The following RBFOX1 variants were observed in gnomAD, a reference collection of about 807,000 sequenced individuals.
RBFOX1 encodes RNA binding protein fox-1 homolog 1.
Under a neutral mutation model 57.7 loss-of-function variants are expected in RBFOX1, and 8 were observed. The ratio of observed to expected loss-of-function variants is 0.14; its 90% CI spans 0.08 to 0.25. The LOEUF (loss-of-function observed/expected upper bound fraction) is 0.25, where lower values mean the gene tolerates loss of function less well. RBFOX1 is among the 10% of genes least tolerant of loss of function. The probability of loss-of-function intolerance (pLI) is 1.00; values close to 1 mark genes in which losing one functional copy is unlikely to be tolerated. For missense variants in RBFOX1, 611 were observed against 548.5 expected (o/e 1.11, Z -1.14); for synonymous variants, 326 against 222.4 (o/e 1.47, Z -4.15).
At chr16:7,480,529 A>T (rs992107306) in intron 4 of RBFOX1, among the ~76,000 whole-genome samples, 11 of 152,226 alleles carry the variant, frequency 7.2e-5, no homozygotes, top group African/African-American at 2.7e-4. Flanking sequence ...AAAAAAATAC[A>T]TATATGGTAT....
chr16:7,034,848 C>CTTTTCTTTTCTTTTTT (rs1412479062), intron 3 of RBFOX1, among the ~76,000 whole-genome samples: 1 of 30,830 alleles, frequency 3.2e-5, no homozygotes, highest in Admixed American at 4.4e-4. Context: ...TTTCTTTTTT[C>CTTTTCTTTTCTTTTTT]TTTTTTTTTT....
chr16:5,492,066 C>T (rs2042852559), intron 2 of RBFOX1, among the ~76,000 whole-genome samples: 1 of 152,186 alleles, frequency 6.6e-6, no homozygotes, highest in South Asian at 2.1e-4. Flanking sequence ...GTTGGAACTG[C>T]ACACTCTCGG....
intron 4 of RBFOX1, among the ~76,000 whole-genome samples, chr16:7,209,680 T>C (rs2090730411): frequency 6.6e-6 from 1 of 152,186 alleles, no homozygotes; most frequent in Admixed American, 6.5e-5. Flanking sequence ...TTTTAATCCG[T>C]ATTTGGTTTG....
chr16:6,142,222 C>CT (rs2096722955), intron 1 of RBFOX1, among the ~76,000 whole-genome samples: 1 of 116,372 alleles, frequency 8.6e-6, no homozygotes. Flanking sequence ...AAAAATCCAA[C>CT]TCTTTTTTTT....
At chr16:7,089,634 C>A (rs377173326) in intron 4 of RBFOX1, among the ~76,000 whole-genome samples, 2 of 152,234 alleles carry the variant, frequency 1.3e-5, no homozygotes, top group African/African-American at 4.8e-5. Context: ...TTTGTTAGCT[C>A]TTACATATGT....
At chr16:7,451,088 T>C (rs540828242) in intron 4 of RBFOX1, among the ~76,000 whole-genome samples, 1 of 152,172 alleles carries the variant, frequency 6.6e-6, no homozygotes, top group East Asian at 1.9e-4. Flanking sequence ...GCATGCCAGG[T>C]AGGGCAGGCT....
intron 3 of RBFOX1, among the ~76,000 whole-genome samples, chr16:6,787,072 G>A (rs1455328041): frequency 6.6e-6 from 1 of 152,138 alleles, no homozygotes; most frequent in Non-Finnish European, 1.5e-5. Context: ...TACGTGAAAA[G>A]AAAGCATCCC....
At chr16:7,341,552 C>T (rs1201793438) in intron 4 of RBFOX1, among the ~76,000 whole-genome samples, 6 of 152,140 alleles carry the variant, frequency 3.9e-5, no homozygotes, top group Non-Finnish European at 5.9e-5. Flanking sequence ...ACCCCACTGA[C>T]CGACTCAGTA....
intron 2 of RBFOX1, among the ~76,000 whole-genome samples, chr16:5,523,128 G>A (rs2044086251): frequency 6.6e-6 from 1 of 152,110 alleles, no homozygotes; most frequent in South Asian, 2.1e-4. Flanking sequence ...TCTACTGAAA[G>A]TATAAAAATT....
At chr16:7,485,390 T>C (rs966036593) in intron 4 of RBFOX1, among the ~76,000 whole-genome samples, 1 of 152,242 alleles carries the variant, frequency 6.6e-6, no homozygotes, top group Non-Finnish European at 1.5e-5. Context: ...TACCTTGTAC[T>C]TTTATTTTCT....
intron 4 of RBFOX1, among the ~76,000 whole-genome samples, chr16:7,507,754 G>A (rs1235353325): frequency 6.6e-6 from 1 of 151,792 alleles, no homozygotes; most frequent in Admixed American, 6.6e-5. Context: ...TAGTAGAGAC[G>A]CGGTTTCACC....
chr16:6,887,594 C>T (rs952889245), intron 3 of RBFOX1, among the ~76,000 whole-genome samples: 16 of 151,820 alleles, frequency 1.1e-4, no homozygotes, highest in Non-Finnish European at 2.2e-4. Flanking sequence ...GCCATATCAC[C>T]ATAGAGGTCT....
In RBFOX1 at chr16:6,062,967, T is replaced by C. The variant is rs138677466; in HGVS notation, c.-127+42975T>C. The stretch of plus-strand genomic sequence containing the variant: ...CACAATTCCTTCTCCAGAAAACCCA[T>C]CTTTGCCCTGAAGAACTTCAATGGA... On this transcript the variant is annotated intron_variant, in intron 1 of 15. Transcript: ENST00000550418. 7.2e-5 allele frequency among the ~76,000 whole-genome samples: 11 copies of C among 152,246 alleles called. No homozygotes were observed. In the South Asian group the frequency reaches 1.5e-3, roughly 20 times the overall value.
intron 3 of RBFOX1, among the ~76,000 whole-genome samples, chr16:6,768,095 A>G (rs12051090): frequency 0.22 from 32,808 of 151,300 alleles, 5,935 homozygotes; most frequent in African/African-American, 0.48. Context: ...ATATGAATCC[A>G]CTGATAAAGG....
intron 3 of RBFOX1, among the ~76,000 whole-genome samples, chr16:6,792,818 C>T (rs894775483): frequency 2.0e-5 from 3 of 152,092 alleles, no homozygotes; most frequent in Non-Finnish European, 4.4e-5. Flanking sequence ...ATCATGACGT[C>T]AGGAGTTCAA....
chr16:7,459,507 G>C (rs1040797468), intron 4 of RBFOX1, among the ~76,000 whole-genome samples: 21 of 152,178 alleles, frequency 1.4e-4, no homozygotes, highest in African/African-American at 4.1e-4. Flanking sequence ...TACATTTCCT[G>C]TTGCCAGATT....
intron 1 of RBFOX1, among the ~76,000 whole-genome samples, chr16:6,061,798 C>A (rs9926113): frequency 0.094 from 14,253 of 152,132 alleles, 861 homozygotes; most frequent in African/African-American, 0.16. Flanking sequence ...TCCCCATCAA[C>A]AACCAGTTCT....
At chr16:7,063,701 G>T (rs1263585344) in intron 4 of RBFOX1, among the ~76,000 whole-genome samples, 1 of 143,922 alleles carries the variant, frequency 6.9e-6, no homozygotes, top group Non-Finnish European at 1.5e-5. Flanking sequence ...AATATATTTA[G>T]GGGGAAAAAA....
intron 5 of RBFOX1, among the ~76,000 whole-genome samples, chr16:7,575,733 G>A (rs187657512): frequency 4.3e-4 from 66 of 152,234 alleles, no homozygotes; most frequent in African/African-American, 1.5e-3. Context: ...CGAATATAGA[G>A]ACATAAAACG....
Sources: gnomAD v4.1 joint callset for allele counts (sites outside exome capture counted in the v4.1 genomes callset) on GRCh38, gnomAD v4.1.1 for gene constraint, MANE v1.5 for transcripts, NCBI Gene and HGNC (gene_info 2026-07-23, HGNC 2026-07-21) for gene names.